The following ANKRD36C variants were observed in gnomAD, a reference collection of about 807,000 sequenced individuals.
The protein encoded by ANKRD36C is ankyrin repeat domain 36C.
In ANKRD36C, 61 loss-of-function variants were observed where a neutral mutation model predicts 276.4. The observed-to-expected ratio is 0.22, with a 90% CI of 0.18 to 0.27. ANKRD36C has a LOEUF of 0.27. Ranked by LOEUF, ANKRD36C falls within the 10% of genes least tolerant of loss-of-function variation. The pLI is 1.00. For missense variants in ANKRD36C, 1,447 were observed against 2,032.3 expected, an observed-to-expected ratio of 0.71 and a Z score of 5.54; for synonymous variants, 483 against 680.1, an observed-to-expected ratio of 0.71 and a Z score of 4.51.
intron 19 of ANKRD36C, among the ~76,000 whole-genome samples, chr2:95,944,264 C>T (rs113278838): frequency 7.3e-5 from 11 of 149,880 alleles, no homozygotes; most frequent in Admixed American, 2.0e-4. Flanking sequence ...CTTTCCCCTC[C>T]TCACCTTTGT....
chr2:95,916,154 G>C (rs758910862), exon 37 of ANKRD36C: 26 of 1,605,166 alleles, frequency 1.6e-5, no homozygotes, highest in East Asian at 6.7e-5. Context: ...TTCAAGGCTG[G>C]TTTTTTCCGA....
At chr2:95,978,603 G>T (rs183665249) in intron 5 of ANKRD36C, among the ~76,000 whole-genome samples, 1 of 152,226 alleles carries the variant, frequency 6.6e-6, no homozygotes, top group African/African-American at 2.4e-5. Context: ...CATTCACAGA[G>T]AAATAGTAAA....
intron 59 of ANKRD36C, among the ~76,000 whole-genome samples, chr2:95,869,608 T>C (rs1226844404): frequency 6.6e-6 from 1 of 152,204 alleles, no homozygotes; most frequent in Non-Finnish European, 1.5e-5. Context: ...GGTTTCTGCA[T>C]TTCCATCTGA....
chr2:95,893,764 T>C, intron 44 of ANKRD36C, 40 bp from the exon 63 acceptor site: 2 of 1,603,390 alleles, frequency 1.2e-6, no homozygotes, highest in Non-Finnish European at 1.7e-6. Context: ...CATATGTAAA[T>C]ATGACAAAGA....
intron 12 of ANKRD36C, among the ~76,000 whole-genome samples, chr2:95,957,515 C>G (rs945888480): frequency 3.9e-5 from 6 of 152,296 alleles, no homozygotes; most frequent in Admixed American, 1.3e-4. Flanking sequence ...TGAGCCTACA[C>G]TTTTGTATTT....
intron 57 of ANKRD36C, 37 bp from the exon 78 acceptor site, chr2:95,880,536 T>C: frequency 6.5e-7 from 1 of 1,535,332 alleles, no homozygotes; most frequent in East Asian, 2.5e-5. Context: ...TAGCACATGA[T>C]GTATATTGGT....
chr2:95,866,244 T>C (rs1454048547), intron 60 of ANKRD36C, among the ~76,000 whole-genome samples: 3 of 152,140 alleles, frequency 2.0e-5, no homozygotes, highest in Non-Finnish European at 4.4e-5. Context: ...CATTTTTACA[T>C]ATGACACAAA....
intron 44 of ANKRD36C, among the ~76,000 whole-genome samples, chr2:95,896,989 A>C (rs1020005615): frequency 4.1e-5 from 6 of 148,088 alleles, no homozygotes; most frequent in Non-Finnish European, 7.5e-5. Context: ...CTGGAGAATT[A>C]AAGCAAAATT....
downstream of ANKRD36C, among the ~76,000 whole-genome samples, chr2:95,851,000 C>A (rs565724517): frequency 3.6e-4 from 55 of 152,270 alleles, no homozygotes; most frequent in South Asian, 0.011. Flanking sequence ...TATTACCCTT[C>A]ACTATGAATG....
intron 54 of ANKRD36C, among the ~76,000 whole-genome samples, chr2:95,883,735 T>C (rs1054881588): frequency 9.2e-5 from 14 of 152,206 alleles, no homozygotes; most frequent in African/African-American, 3.4e-4. Flanking sequence ...AGGAAAGTAA[T>C]TTCTACATCA....
At chr2:95,964,968 G>T (rs986109616) in intron 6 of ANKRD36C, among the ~76,000 whole-genome samples, 8 of 151,722 alleles carry the variant, frequency 5.3e-5, no homozygotes, top group African/African-American at 1.9e-4. Flanking sequence ...TAACTCCAAT[G>T]ACACTGCCTC....
chr2:95,892,074 A>G (rs1339596895), intron 44 of ANKRD36C, among the ~76,000 whole-genome samples: 4 of 151,576 alleles, frequency 2.6e-5, no homozygotes, highest in African/African-American at 9.7e-5. Flanking sequence ...TATTTCAAAC[A>G]TGGTATGATT....
At chr2:95,916,626 C>A (rs540356391) in intron 36 of ANKRD36C, among the ~76,000 whole-genome samples, 14 of 151,650 alleles carry the variant, frequency 9.2e-5, no homozygotes, top group Non-Finnish European at 1.8e-4. Flanking sequence ...ACTGAGAAGG[C>A]ACACAATTCC....
chr2:95,913,327 A>T (rs561017605), intron 40 of ANKRD36C, among the ~76,000 whole-genome samples: 30 of 151,254 alleles, frequency 2.0e-4, no homozygotes, highest in Non-Finnish European at 3.7e-4. Flanking sequence ...AAGAAGTTTC[A>T]TTAAATAGCT....
At chr2:95,983,432 A>G (rs1443771553) in intron 3 of ANKRD36C, among the ~76,000 whole-genome samples, 1 of 151,686 alleles carries the variant, frequency 6.6e-6, no homozygotes, top group East Asian at 1.9e-4. Flanking sequence ...ATTTATTTAT[A>G]TTCTAGTTTC....
chr2:95,969,838 T>C (rs995981715), intron 6 of ANKRD36C, among the ~76,000 whole-genome samples: 14 of 152,154 alleles, frequency 9.2e-5, no homozygotes, highest in African/African-American at 3.4e-4. Context: ...CAGTATATTG[T>C]TACAATTGAT....
At chr2:95,864,987 A>C (rs961162754) in intron 60 of ANKRD36C, among the ~76,000 whole-genome samples, 1 of 152,080 alleles carries the variant, frequency 6.6e-6, no homozygotes, top group African/African-American at 2.4e-5. Context: ...GCTAGTGATA[A>C]ACAATCAAAT....
Position 95,978,117 on chromosome 2 carries a change from C to T in ANKRD36C, c.799+5G>A. 8.4e-7 allele frequency: 1 copy of T among 1,193,734 alleles called. No homozygotes were observed. Among genetic ancestry groups the T allele is most frequent in the Non-Finnish European group, 1.2e-6 (1 of 861,018 alleles). 73.9% of individuals were successfully genotyped at this position (1,193,734 alleles called of 1,614,324 possible). A position where few individuals can be genotyped will look rare whatever the true frequency, so the allele number is the denominator to read the frequency against. Reference sequence around the variant, plus strand: ...TCAAGAGTAATTCACTATCAGAAATCTTACCTGGATTGCTATTTATAGAAA... The same window carrying T: ...TCAAGAGTAATTCACTATCAGAAATTTTACCTGGATTGCTATTTATAGAAA... On this transcript the variant is annotated splice_donor_5th_base_variant and intron_variant, in intron 6 of 66. Transcript: ENST00000456556.
intron 46 of ANKRD36C, among the ~76,000 whole-genome samples, chr2:95,891,300 TCTTGGCAGTA>T (rs1433205311): frequency 6.6e-6 from 1 of 151,446 alleles, no homozygotes; most frequent in Non-Finnish European, 1.5e-5. Flanking sequence ...TTCTGTCTTT[TCTTGGCAGTA>T]CAATCTGAAG....
Sources: gnomAD v4.1 joint callset for allele counts (sites outside exome capture counted in the v4.1 genomes callset) on GRCh38, gnomAD v4.1.1 for gene constraint, MANE v1.5 for transcripts, NCBI Gene and HGNC (gene_info 2026-07-23, HGNC 2026-07-21) for gene names.